FSTL5: variants seen among roughly 807,000 people sequenced by gnomAD.
The protein encoded by FSTL5 is follistatin-related protein 5.
FSTL5 carries 62 observed loss-of-function variants against 89.1 expected under a neutral mutation model. That is an observed-to-expected ratio of 0.70 (90% CI 0.57 to 0.86). The LOEUF is 0.86. Among genes scored for constraint, FSTL5 ranks in the 40% least tolerant of loss-of-function variants. FSTL5 has a pLI of 0.00. For synonymous variants in FSTL5, 383 were observed against 346.2 expected (o/e 1.11, Z -1.18); for missense variants, 1,057 against 1,001.6 (o/e 1.06, Z -0.75).
At chr4:161,439,733 C>T (rs1560895902) in intron 15 of FSTL5, among the ~76,000 whole-genome samples, 1 of 148,756 alleles carries the variant, frequency 6.7e-6, no homozygotes, top group Non-Finnish European at 1.5e-5. Flanking sequence ...CACACACACA[C>T]CCCACACGCA....
intron 2 of FSTL5, among the ~76,000 whole-genome samples, chr4:162,064,531 T>C (rs1010029605): frequency 6.6e-6 from 1 of 151,964 alleles, no homozygotes; most frequent in African/African-American, 2.4e-5. Flanking sequence ...ACTATTTGAG[T>C]GAGGATATTG....
At chr4:161,941,772 C>A (rs951403358) in intron 3 of FSTL5, among the ~76,000 whole-genome samples, 8 of 151,854 alleles carry the variant, frequency 5.3e-5, no homozygotes, top group Admixed American at 2.0e-4. Flanking sequence ...ACTTTTCAAA[C>A]ACTACAAACC....
At chr4:161,949,702 T>G (rs1734837726) in intron 3 of FSTL5, among the ~76,000 whole-genome samples, 1 of 151,868 alleles carries the variant, frequency 6.6e-6, no homozygotes, top group Admixed American at 6.6e-5. Flanking sequence ...TTTTTATTTA[T>G]CAGTATTTAA....
chr4:162,122,347 C>T (rs1579045393), intron 1 of FSTL5, among the ~76,000 whole-genome samples: 2 of 150,990 alleles, frequency 1.3e-5, no homozygotes, highest in East Asian at 3.9e-4. Flanking sequence ...GCTTCTACCA[C>T]TAACTAATCC....
At chr4:161,622,780 T>C (rs1399497622) in intron 7 of FSTL5, among the ~76,000 whole-genome samples, 1 of 152,120 alleles carries the variant, frequency 6.6e-6, no homozygotes, top group African/African-American at 2.4e-5. Context: ...AAAATTTTTA[T>C]TTAAGAATCA....
intron 3 of FSTL5, among the ~76,000 whole-genome samples, chr4:162,024,491 T>G (rs1737207274): frequency 6.6e-6 from 1 of 152,214 alleles, no homozygotes; most frequent in Non-Finnish European, 1.5e-5. Context: ...ATCATTACCT[T>G]TTCTTTTTCT....
chr4:161,742,639 T>C (rs1442867639), intron 6 of FSTL5, among the ~76,000 whole-genome samples: 2 of 152,188 alleles, frequency 1.3e-5, no homozygotes, highest in Non-Finnish European at 2.9e-5. Context: ...AGAGAATCCA[T>C]GTGACAGTGT....
intron 8 of FSTL5, among the ~76,000 whole-genome samples, chr4:161,575,061 CTTG>C (rs1733162896): frequency 1.3e-5 from 2 of 152,100 alleles, no homozygotes; most frequent in African/African-American, 4.8e-5. Flanking sequence ...GAGATGGTGT[CTTG>C]TTGTGGTTTT....
At chr4:161,821,800 T>C (rs1248647487) in intron 4 of FSTL5, among the ~76,000 whole-genome samples, 1 of 152,200 alleles carries the variant, frequency 6.6e-6, no homozygotes, top group Non-Finnish European at 1.5e-5. Context: ...TATATATATA[T>C]GAATACCACA....
At chr4:162,093,030 A>C (rs956770499) in intron 2 of FSTL5, among the ~76,000 whole-genome samples, 1 of 151,776 alleles carries the variant, frequency 6.6e-6, no homozygotes, top group Non-Finnish European at 1.5e-5. Context: ...CCTTATAAGC[A>C]TAGGGAATTG....
At chr4:161,496,172 A>T (rs1730062876) in intron 12 of FSTL5, among the ~76,000 whole-genome samples, 1 of 152,190 alleles carries the variant, frequency 6.6e-6, no homozygotes, top group Admixed American at 6.6e-5. Context: ...AAGCAATGGA[A>T]TTTTTGTTAA....
At chr4:162,112,881 T>C (rs908406807) in intron 1 of FSTL5, among the ~76,000 whole-genome samples, 1 of 151,986 alleles carries the variant, frequency 6.6e-6, no homozygotes, top group Non-Finnish European at 1.5e-5. Flanking sequence ...TTGTTGTTCT[T>C]GTTGTTGTTT....
chr4:161,677,619 T>C (rs868152301), intron 6 of FSTL5, among the ~76,000 whole-genome samples: 1 of 152,006 alleles, frequency 6.6e-6, no homozygotes, highest in Admixed American at 6.6e-5. Context: ...CTCTGGCCCA[T>C]GTTGCTTCTG....
intron 13 of FSTL5, among the ~76,000 whole-genome samples, chr4:161,480,476 G>A (rs1174783715): frequency 3.3e-5 from 5 of 152,180 alleles, no homozygotes; most frequent in South Asian, 2.1e-4. Context: ...CTTGAAGTAT[G>A]AATTCAGAGA....
At chr4:161,869,423 C>A (rs553445336) in intron 4 of FSTL5, among the ~76,000 whole-genome samples, 1 of 152,238 alleles carries the variant, frequency 6.6e-6, no homozygotes, top group Non-Finnish European at 1.5e-5. Context: ...TATATCAGAT[C>A]CTTTAGCAGC....
At chr4:161,418,771 T>C (rs1291977325) in intron 15 of FSTL5, among the ~76,000 whole-genome samples, 2 of 152,198 alleles carry the variant, frequency 1.3e-5, no homozygotes, top group African/African-American at 4.8e-5. Context: ...GGTAAGGACT[T>C]ACTGTACTGA....
intron 10 of FSTL5, among the ~76,000 whole-genome samples, chr4:161,512,117 C>T (rs1207500971): frequency 4.6e-5 from 7 of 152,044 alleles, no homozygotes; most frequent in African/African-American, 1.7e-4. Flanking sequence ...TAAGTCTGCA[C>T]ACACAATGCA....
chr4:161,611,231 C>CATATATATAT lies in FSTL5; in HGVS notation c.895-23666_895-23657dup, dbSNP rs70937667. Among the ~76,000 whole-genome samples, 355 of 128,426 alleles carry CATATATATAT rather than the reference C, an allele frequency of 2.8e-3. 2 individuals carry two copies. Among genetic ancestry groups the CATATATATAT allele is most frequent in the East Asian group, 4.7e-3 (20 of 4,216 alleles). The allele number at this position is 128,426 out of a possible 152,430, so 84.3% of individuals were successfully genotyped here. The stretch of plus-strand genomic sequence containing the variant: ...ATGTGTATATGTGTGTATGTGTATA[C>CATATATATAT]ATATATATATATATATATATATATA... On this transcript the variant is annotated intron_variant, in intron 7 of 15. Coordinates refer to ENST00000306100, the MANE Select transcript of FSTL5 (RefSeq NM_020116.5).
At chr4:161,596,562 CT>C (rs1219214412) in intron 7 of FSTL5, among the ~76,000 whole-genome samples, 1 of 152,014 alleles carries the variant, frequency 6.6e-6, no homozygotes, top group African/African-American at 2.4e-5. Flanking sequence ...GATATGTTCT[CT>C]TCTTGACCAC....
Sources: gnomAD v4.1 joint callset for allele counts (sites outside exome capture counted in the v4.1 genomes callset) on GRCh38, gnomAD v4.1.1 for gene constraint, MANE v1.5 for transcripts, NCBI Gene and HGNC (gene_info 2026-07-23, HGNC 2026-07-21) for gene names.